IPP: variants seen among roughly 807,000 people sequenced by gnomAD.
IPP encodes the protein intracisternal A particle-promoted polypeptide, also known as actin-binding protein IPP.
A neutral mutation model predicts 64.1 loss-of-function variants in IPP; 41 were observed. The observed-to-expected ratio is 0.64, with a 90% confidence interval of 0.50 to 0.83. The LOEUF (loss-of-function observed/expected upper bound fraction) is 0.83. Among genes scored for constraint, IPP ranks in the 40% least tolerant of loss-of-function variants. IPP has a pLI of 0.00. For synonymous variants in IPP, 214 were observed against 235.2 expected (o/e 0.91, Z 0.83); for missense variants, 649 against 703.0 (o/e 0.92, Z 0.87).
In IPP at chr1:45,741,249, A is replaced by G; in HGVS notation, c.376T>C (p.Cys126Arg). 6.2e-7 allele frequency: 1 copy of G among 1,614,124 alleles called. No individual in the cohort carries two copies. Among genetic ancestry groups the G allele is most frequent in the Non-Finnish European group, 8.5e-7 (1 of 1,179,950 alleles). The change falls in exon 3 of 9, where the codon TGC becomes CGC. Residue 126 changes from cysteine to arginine, a missense_variant. Transcript: ENST00000396478. ...ATTTGTCCTTTCAGAAATTCACAGC[A>G]AAGATGAACAACTTCAGTCAACTGT... The part of the protein sequence containing the change: ...MLQLTEVVHL[C>R]CEFLKGQIDP...
intron 5 of IPP, among the ~76,000 whole-genome samples, chr1:45,725,316 C>A (rs1487666610): frequency 2.2e-5 from 3 of 134,926 alleles, no homozygotes; most frequent in Admixed American, 2.1e-4. Flanking sequence ...GCCCGGCCAG[C>A]CGCCCCGTCC....
downstream of IPP, chr1:45,694,421 A>C: frequency 7.0e-7 from 1 of 1,420,948 alleles, no homozygotes; most frequent in Non-Finnish European, 9.7e-7. Context: ...TTGAAAATTA[A>C]AGATTAAAAA....
chr1:45,745,749 C>A (rs1646125280), intron 2 of IPP, among the ~76,000 whole-genome samples: 1 of 151,716 alleles, frequency 6.6e-6, no homozygotes, highest in Non-Finnish European at 1.5e-5. Flanking sequence ...GCCTGTGTCC[C>A]AGCTACTCAG....
intron 5 of IPP, among the ~76,000 whole-genome samples, chr1:45,720,120 G>A (rs1357219577): frequency 1.3e-5 from 2 of 151,658 alleles, no homozygotes; most frequent in Non-Finnish European, 2.9e-5. Flanking sequence ...CTGTCACCCA[G>A]GCTAGAGTGC....
At chr1:45,749,243 A>G (rs1483397360) in intron 1 of IPP, among the ~76,000 whole-genome samples, 1 of 152,240 alleles carries the variant, frequency 6.6e-6, no homozygotes, top group Non-Finnish European at 1.5e-5. Flanking sequence ...GGCAGACAAC[A>G]GAAATACTAG....
In IPP at chr1:45,699,626, C is replaced by G; in HGVS notation, c.*340G>C. On this transcript the variant is annotated 3_prime_UTR_variant, in exon 9 of 9. Coordinates refer to ENST00000396478, the MANE Select transcript of IPP (RefSeq NM_005897.3). ...TATTAATTGGGATATATTCCATATCCATTCTCACTCATATTTTTAGAAAAA... is the reference window on the plus strand; with the variant it reads ...TATTAATTGGGATATATTCCATATCGATTCTCACTCATATTTTTAGAAAAA... 1.9e-6 allele frequency: 2 copies of G among 1,037,184 alleles called. No homozygotes were observed. The highest frequency in any genetic ancestry group is 2.3e-6 in the Non-Finnish European group (2 of 859,478). 64.2% of individuals were successfully genotyped at this position (1,037,184 alleles called of 1,614,324 possible).
intron 5 of IPP, among the ~76,000 whole-genome samples, chr1:45,725,481 C>G (rs1331134123): frequency 5.0e-5 from 7 of 139,678 alleles, no homozygotes; most frequent in African/African-American, 1.6e-4. Flanking sequence ...GTCAGCCCCC[C>G]GCCCGGCCAG....
chr1:45,724,122 C>G (rs1029119843), intron 5 of IPP, among the ~76,000 whole-genome samples: 2 of 151,992 alleles, frequency 1.3e-5, no homozygotes, highest in African/African-American at 4.8e-5. Context: ...CCTGCAATTG[C>G]AGGCGCGCGC....
rs764848051 is a variant in IPP at position 45,746,202 on chromosome 1, C to G, written c.210G>C (p.Met70Ile). The part of the protein sequence containing the change: ...PYFAALFTGG[M>I]KESSKDVVPI... ...GTACAACATCTTTTGAGGACTCTTTCATTCCTCCAGTGAACAAAGCTGCAA... is the reference window on the plus strand; with the variant it reads ...GTACAACATCTTTTGAGGACTCTTTGATTCCTCCAGTGAACAAAGCTGCAA... Residue 70 changes from methionine (M) to isoleucine (I), a missense_variant, in exon 2 of 9, where the codon ATG becomes ATC. By Grantham distance (10) the Met-to-Ile change is conservative (BLOSUM62 1). Coordinates refer to ENST00000396478, the MANE Select transcript of IPP (RefSeq NM_005897.3). 6.2e-7 allele frequency: 1 copy of G among 1,614,132 alleles called. No individual in the cohort carries two copies. The highest frequency in any genetic ancestry group is 1.3e-5 in the African/African-American group (1 of 75,048).
chr1:45,717,518 T>A (rs1645677175), intron 6 of IPP, among the ~76,000 whole-genome samples: 1 of 152,008 alleles, frequency 6.6e-6, no homozygotes, highest in Non-Finnish European at 1.5e-5. Context: ...AATTCTTTTT[T>A]TTTTTGAGAT....
intron 3 of IPP, among the ~76,000 whole-genome samples, chr1:45,739,446 G>C (rs1337659884): frequency 1.5e-5 from 2 of 130,214 alleles, no homozygotes; most frequent in Non-Finnish European, 3.2e-5. Context: ...GTAGAGACAG[G>C]GTTTCACCAT....
rs953516611 is a variant in IPP at position 45,699,738 on chromosome 1, C to G, written c.*228G>C. The G allele has an allele frequency of 7.9e-6, 10 of 1,271,904 alleles. No individual in the cohort carries two copies. The East Asian group carries it at 2.7e-4, about 35-fold the overall frequency. The allele number at this position is 1,271,904 out of a possible 1,614,324, so 78.8% of individuals were successfully genotyped here. Reference sequence around the variant, plus strand: ...AGTGCAGTGGCATGATCGTAGCTTACTACAACCTCAAATTCCTGGGCTCAA... The same window carrying G: ...AGTGCAGTGGCATGATCGTAGCTTAGTACAACCTCAAATTCCTGGGCTCAA... On this transcript the variant is annotated 3_prime_UTR_variant, in exon 9 of 9. Coordinates refer to ENST00000396478, the MANE Select transcript of IPP (RefSeq NM_005897.3).
At chr1:45,740,275 C>T (rs1362225069) in intron 3 of IPP, among the ~76,000 whole-genome samples, 1 of 152,238 alleles carries the variant, frequency 6.6e-6, no homozygotes, top group Non-Finnish European at 1.5e-5. Context: ...CCCCACCTTT[C>T]CCCCTTTTCT....
intron 5 of IPP, among the ~76,000 whole-genome samples, chr1:45,724,662 C>T (rs1199451105): frequency 2.4e-4 from 31 of 131,388 alleles, no homozygotes; most frequent in East Asian, 6.8e-4. Flanking sequence ...GCGCCTCTGC[C>T]GGGCCGCAAC....
rs866986096 is a variant in IPP at position 45,741,652 on chromosome 1, G to A, written c.293-320C>T. Among the ~76,000 whole-genome samples the A allele has an allele frequency of 1.5e-4, 16 of 105,796 alleles. 2 individuals carry two copies. The South Asian group carries it at 2.5e-3, about 16-fold the overall frequency. 69.4% of individuals were successfully genotyped at this position (105,796 alleles called of 152,430 possible). ...TTTTTTTTTTTTTTTTTTTTGAGAC[G>A]GAGTCCCGCTCTTTAGCCCAGGCCG... On this transcript the variant is annotated intron_variant, in intron 2 of 8. Coordinates refer to ENST00000396478, the MANE Select transcript of IPP (RefSeq NM_005897.3).
chr1:45,748,078 T>C (rs1050101280), intron 1 of IPP, among the ~76,000 whole-genome samples: 3 of 151,992 alleles, frequency 2.0e-5, no homozygotes, highest in African/African-American at 7.3e-5. Flanking sequence ...ATTAACTTAT[T>C]GAGAAATTTG....
intron 2 of IPP, among the ~76,000 whole-genome samples, chr1:45,743,100 G>A (rs920305612): frequency 6.6e-6 from 1 of 151,396 alleles, no homozygotes; most frequent in African/African-American, 2.4e-5. Flanking sequence ...ACCATAACCA[G>A]CTAATTTTTG....
chr1:45,735,842 T>A (rs1035330304), intron 3 of IPP, among the ~76,000 whole-genome samples: 6 of 127,280 alleles, frequency 4.7e-5, no homozygotes, highest in Non-Finnish European at 6.9e-5. Flanking sequence ...CCAGGCGCGG[T>A]GTCTCACGCC....
intron 5 of IPP, among the ~76,000 whole-genome samples, chr1:45,725,148 G>T (rs1368228504): frequency 9.1e-6 from 1 of 109,544 alleles, no homozygotes; most frequent in Non-Finnish European, 1.9e-5. Flanking sequence ...CAGCCGCCCC[G>T]TCCGGGAGTG....
Sources: gnomAD v4.1 joint callset for allele counts (sites outside exome capture counted in the v4.1 genomes callset) on GRCh38, gnomAD v4.1.1 for gene constraint, MANE v1.5 for transcripts, NCBI Gene and HGNC (gene_info 2026-07-23, HGNC 2026-07-21) for gene names.